NCOA1: variants seen among roughly 807,000 people sequenced by gnomAD.
NCOA1 encodes the protein Hin-2 protein.
Under a neutral mutation model 150.9 loss-of-function variants are expected in NCOA1, and 35 were observed. The observed-to-expected ratio is 0.23, with a 90% CI of 0.18 to 0.31. The LOEUF is 0.31. NCOA1 is among the 10% of genes least tolerant of loss of function. NCOA1 has a pLI of 1.00. For synonymous variants in NCOA1, 590 were observed against 630.0 expected (o/e 0.94, Z 0.95); for missense variants, 1,491 against 1,749.3 (o/e 0.85, Z 2.63).
In NCOA1 at chr2:24,550,800, T is replaced by C. The variant is rs562029965; in HGVS notation, c.-395-13495T>C. On this transcript the variant is annotated intron_variant, in intron 1 of 22. Transcript: ENST00000348332. The stretch of plus-strand genomic sequence containing the variant: ...TTCCTTTTTGTACCAAGTATTTGTA[T>C]TACCTAACTTTAAAAATGCTCTGAT... Among the ~76,000 whole-genome samples the C allele has an allele frequency of 1.4e-4, 21 of 152,318 alleles. No individual in the cohort carries two copies. The South Asian group carries it at 4.3e-3, about 32-fold the overall frequency.
intron 2 of NCOA1, among the ~76,000 whole-genome samples, chr2:24,576,919 A>G (rs1667014300): frequency 6.6e-6 from 1 of 152,204 alleles, no homozygotes; most frequent in South Asian, 2.1e-4. Context: ...AGTCTTGGTC[A>G]GTTGCCACAT....
intron 6 of NCOA1, among the ~76,000 whole-genome samples, chr2:24,669,777 G>A (rs1209417082): frequency 5.9e-5 from 9 of 152,170 alleles, no homozygotes; most frequent in Non-Finnish European, 2.9e-5. Flanking sequence ...AATATCATTA[G>A]CCATTAGGGA....
At chr2:24,691,002 C>G (rs1377184580) in intron 8 of NCOA1, among the ~76,000 whole-genome samples, 1 of 152,112 alleles carries the variant, frequency 6.6e-6, no homozygotes, top group African/African-American at 2.4e-5. Context: ...GTGACAGACT[C>G]TGAGAAAATT....
At chr2:24,527,512 A>G (rs149803454) in intron 1 of NCOA1, among the ~76,000 whole-genome samples, 27 of 152,300 alleles carry the variant, frequency 1.8e-4, no homozygotes, top group Non-Finnish European at 3.2e-4. Flanking sequence ...CTTACATAAT[A>G]TTCCACTGTG....
At chr2:24,537,850 A>G (rs544697072) in intron 1 of NCOA1, among the ~76,000 whole-genome samples, 1 of 152,294 alleles carries the variant, frequency 6.6e-6, no homozygotes, top group South Asian at 2.1e-4. Flanking sequence ...TCAAATATAT[A>G]CAATAAAACT....
At chr2:24,629,578 A>G (rs901004066) in intron 3 of NCOA1, among the ~76,000 whole-genome samples, 1 of 150,374 alleles carries the variant, frequency 6.7e-6, no homozygotes, top group African/African-American at 2.4e-5. Context: ...AAAGGTACCT[A>G]AAATCTCCTG....
At chr2:24,620,596 C>T (rs1669097539) in intron 3 of NCOA1, among the ~76,000 whole-genome samples, 1 of 151,884 alleles carries the variant, frequency 6.6e-6, no homozygotes, top group Non-Finnish European at 1.5e-5. Flanking sequence ...GCAGCAAGAG[C>T]GAAACTGGTC....
intron 1 of NCOA1, among the ~76,000 whole-genome samples, chr2:24,494,776 C>A (rs1021564264): frequency 4.6e-5 from 7 of 152,042 alleles, no homozygotes; most frequent in African/African-American, 1.7e-4. Context: ...GGCTGCAGAA[C>A]CGTATAAATT....
intron 3 of NCOA1, among the ~76,000 whole-genome samples, chr2:24,630,199 C>T (rs1015693383): frequency 2.0e-5 from 3 of 152,056 alleles, no homozygotes; most frequent in Non-Finnish European, 4.4e-5. Context: ...CAAGTGTTAT[C>T]CCACTTTTTG....
chr2:24,736,187 C>T (rs1432911603), intron 17 of NCOA1, among the ~76,000 whole-genome samples: 2 of 149,522 alleles, frequency 1.3e-5, no homozygotes, highest in African/African-American at 5.0e-5. Context: ...CACTGTTGCA[C>T]TCCAGCCTGG....
intron 11 of NCOA1, among the ~76,000 whole-genome samples, chr2:24,698,540 GAA>G (rs1673007585): frequency 6.6e-6 from 1 of 152,100 alleles, no homozygotes; most frequent in African/African-American, 2.4e-5. Context: ...GGAACGATAG[GAA>G]AAGTTATTTG....
chr2:24,743,148 T>C (rs1167876152), intron 19 of NCOA1, among the ~76,000 whole-genome samples: 1 of 152,222 alleles, frequency 6.6e-6, no homozygotes, highest in Non-Finnish European at 1.5e-5. Context: ...AAATTAATTG[T>C]CAATTCCTGA....
chr2:24,651,287 C>T (rs940155211), intron 4 of NCOA1, among the ~76,000 whole-genome samples: 1 of 151,954 alleles, frequency 6.6e-6, no homozygotes, highest in African/African-American at 2.4e-5. Context: ...ATAGCTGAGA[C>T]ATGGAAACAA....
At chr2:24,517,223 T>G (rs548706197) in intron 1 of NCOA1, among the ~76,000 whole-genome samples, 1 of 152,088 alleles carries the variant, frequency 6.6e-6, no homozygotes, top group South Asian at 2.1e-4. Context: ...TGAGTTTGTA[T>G]TTTTTATACT....
chr2:24,532,424 T>A (rs187880671), intron 1 of NCOA1, among the ~76,000 whole-genome samples: 1 of 152,210 alleles, frequency 6.6e-6, no homozygotes, highest in Non-Finnish European at 1.5e-5. Flanking sequence ...CTGATGGTAG[T>A]TTCTTTTGTC....
chr2:24,692,331 C>G (rs916593634), intron 9 of NCOA1, among the ~76,000 whole-genome samples: 1 of 152,172 alleles, frequency 6.6e-6, no homozygotes, highest in Non-Finnish European at 1.5e-5. Flanking sequence ...AGGTAACAAT[C>G]AACTGGAGAC....
intron 1 of NCOA1, among the ~76,000 whole-genome samples, chr2:24,505,336 T>C (rs2148087293): frequency 6.6e-6 from 1 of 152,164 alleles, no homozygotes; most frequent in African/African-American, 2.4e-5. Context: ...TGTGCCACCA[T>C]GCCTGGTTCA....
intron 11 of NCOA1, among the ~76,000 whole-genome samples, chr2:24,699,051 A>G (rs1433573720): frequency 1.3e-5 from 2 of 152,202 alleles, no homozygotes; most frequent in Non-Finnish European, 2.9e-5. Context: ...TTCCCAGGCA[A>G]TCCTGAAGGG....
intron 17 of NCOA1, among the ~76,000 whole-genome samples, chr2:24,732,795 C>T (rs1044370482): frequency 1.3e-5 from 2 of 152,014 alleles, no homozygotes; most frequent in African/African-American, 4.8e-5. Flanking sequence ...TTACAAATAC[C>T]GTAGGCAAAC....
Sources: gnomAD v4.1 joint callset for allele counts (sites outside exome capture counted in the v4.1 genomes callset) on GRCh38, gnomAD v4.1.1 for gene constraint, MANE v1.5 for transcripts, NCBI Gene and HGNC (gene_info 2026-07-23, HGNC 2026-07-21) for gene names.